KCNK5: variants seen among roughly 807,000 people sequenced by gnomAD.
The protein encoded by KCNK5 is potassium channel subfamily K member 5.
Under a neutral mutation model 32.9 loss-of-function variants are expected in KCNK5, and 18 were observed. That is an observed-to-expected ratio of 0.55 (90% CI 0.38 to 0.81). The LOEUF is 0.81. Among genes scored for constraint, KCNK5 ranks in the 30% least tolerant of loss-of-function variants. The pLI, the probability that KCNK5 is intolerant of heterozygous loss-of-function variation, is 0.00. For synonymous variants in KCNK5, 276 were observed against 275.3 expected (o/e 1.00, Z -0.03); for missense variants, 507 against 651.0 (o/e 0.78, Z 2.41).
At chr6:39,213,070 C>A (rs560020646) in intron 1 of KCNK5, among the ~76,000 whole-genome samples, 65 of 152,310 alleles carry the variant, frequency 4.3e-4, no homozygotes, top group African/African-American at 1.5e-3. Context: ...TCAAGTCCCA[C>A]AGTCAGTCCT....
intron 1 of KCNK5, among the ~76,000 whole-genome samples, chr6:39,225,429 T>A (rs886732453): frequency 6.6e-6 from 1 of 152,240 alleles, no homozygotes; most frequent in Non-Finnish European, 1.5e-5. Context: ...CAAAGTGGTC[T>A]GGTGCACGGT....
intron 1 of KCNK5, among the ~76,000 whole-genome samples, chr6:39,226,773 C>T (rs1771679259): frequency 6.6e-6 from 1 of 152,218 alleles, no homozygotes; most frequent in African/African-American, 2.4e-5. Flanking sequence ...AATGCTTCTA[C>T]TTGTCCATTT....
At chr6:39,227,050 C>G (rs1344046341) in intron 1 of KCNK5, among the ~76,000 whole-genome samples, 1 of 152,118 alleles carries the variant, frequency 6.6e-6, no homozygotes, top group Admixed American at 6.5e-5. Flanking sequence ...CCTTAAGAAG[C>G]CGTCTAGCCT....
chr6:39,218,445 T>A (rs1049010824), intron 1 of KCNK5, among the ~76,000 whole-genome samples: 2 of 152,088 alleles, frequency 1.3e-5, no homozygotes, highest in African/African-American at 2.4e-5. Flanking sequence ...GGGTAGGCCG[T>A]GTTGTTAGAG....
rs199508851 is a variant in KCNK5 at position 39,191,366 on chromosome 6, C to T, written c.1024G>A (p.Val342Met). The stretch of plus-strand genomic sequence containing the variant: ...TTCTTGGAGTAGACTACCAGGGGCA[C>T]CAGGGAAGGGGGCAGTGCTGGGAGC... ...GGLPALPPSL[V>M]PLVVYSKNRV... The change falls in exon 5 of 5, where the codon GTG (valine) becomes ATG (methionine). Residue 342 changes from valine (V) to methionine (M), a missense_variant. Val to Met is a conservative substitution (Grantham distance 21). Coordinates refer to ENST00000359534, the MANE Select transcript of KCNK5 (RefSeq NM_003740.4). This position sits in a 1 kb window ranked among gnomAD's most constrained non-coding sequence, Gnocchi z 5.8. 164 of 1,613,726 alleles carry T rather than the reference C, an allele frequency of 1.0e-4. No homozygotes were observed. The East Asian group carries it at 3.5e-3, about 35-fold the overall frequency.
chr6:39,216,825 G>C (rs370821825), intron 1 of KCNK5, among the ~76,000 whole-genome samples: 8 of 152,064 alleles, frequency 5.3e-5, no homozygotes, highest in African/African-American at 1.4e-4. Context: ...CTTTGTAAAA[G>C]TTGAAACTCA....
At position 39,190,807 on chromosome 6, in the gene KCNK5, G is replaced by A. The variant is rs1770908555; in HGVS notation, c.*83C>T. The A allele has an allele frequency of 1.5e-6, 2 of 1,342,268 alleles. No individual in the cohort carries two copies. The highest frequency in any genetic ancestry group is 9.7e-7 in the Non-Finnish European group (1 of 1,029,166). The allele number at this position is 1,342,268 out of a possible 1,614,324, so 83.1% of individuals were successfully genotyped here. A position where few individuals can be genotyped will look rare whatever the true frequency, so the allele number is the denominator to read the frequency against. Reference sequence around the variant, plus strand: ...TTCCGAGGCTGCCCCCCCACCAGGGGCCAGGCGTCCCGGTCATCTCGGGAC... The same window carrying A: ...TTCCGAGGCTGCCCCCCCACCAGGGACCAGGCGTCCCGGTCATCTCGGGAC... On this transcript the variant is annotated 3_prime_UTR_variant, in exon 5 of 5. Transcript: ENST00000359534.
At chr6:39,214,783 G>A (rs891577390) in intron 1 of KCNK5, among the ~76,000 whole-genome samples, 6 of 152,086 alleles carry the variant, frequency 3.9e-5, no homozygotes, top group African/African-American at 1.2e-4. Flanking sequence ...AGGGTCAGGG[G>A]AGCCACCTAA....
chr6:39,195,471 C>T (rs1771013695), intron 2 of KCNK5, among the ~76,000 whole-genome samples: 1 of 152,200 alleles, frequency 6.6e-6, no homozygotes, highest in African/African-American at 2.4e-5. Context: ...CAGCTGAGCC[C>T]AGTCAAGCTG....
At chr6:39,204,989 G>C (rs551058796) in intron 1 of KCNK5, among the ~76,000 whole-genome samples, 1 of 152,366 alleles carries the variant, frequency 6.6e-6, no homozygotes, top group East Asian at 1.9e-4. Flanking sequence ...GAGGAACAAA[G>C]AAAACAAGGC....
chr6:39,194,044 G>T lies in KCNK5; in HGVS notation c.634+125C>A. The T allele has an allele frequency of 9.9e-7, 1 of 1,010,612 alleles. No homozygotes were observed. Among genetic ancestry groups the T allele is most frequent in the Non-Finnish European group, 1.5e-6 (1 of 660,786 alleles). The allele number at this position is 1,010,612 out of a possible 1,614,324, so 62.6% of individuals were successfully genotyped here. ...TCTTGCAAATGGCAGAGTGGGTTGA[G>T]AATCCCACTGGGTAAGAGAAGTGCC... On this transcript the variant is annotated intron_variant, in intron 4 of 4. Coordinates refer to ENST00000359534, the MANE Select transcript of KCNK5 (RefSeq NM_003740.4). The surrounding 1 kb of genome is among the most constrained non-coding windows in gnomAD (Gnocchi z 4.7).
chr6:39,229,298 CGGGGAGCTGCGTGG>C lies in KCNK5; in HGVS notation c.-201_-188del, dbSNP rs1771728637. ...CTTGGCCAAGTTGGCCCACGGAGTGCGGGGAGCTGCGTGGGGCCCCACTCACGCGGCCCGGGGTG... is the reference window on the plus strand; with the variant it reads ...CTTGGCCAAGTTGGCCCACGGAGTGCGGCCCCACTCACGCGGCCCGGGGTG... On this transcript the variant is annotated 5_prime_UTR_variant, in exon 1 of 5. Coordinates refer to ENST00000359534, the MANE Select transcript of KCNK5 (RefSeq NM_003740.4). 1.4e-6 allele frequency: 1 copy of C among 691,556 alleles called. No homozygotes were observed. The highest frequency in any genetic ancestry group is 1.9e-5 in the South Asian group (1 of 52,162). 42.8% of individuals were successfully genotyped at this position (691,556 alleles called of 1,614,324 possible). A position where few individuals can be genotyped will look rare whatever the true frequency, so the allele number is the denominator to read the frequency against.
Position 39,194,448 on chromosome 6 carries a change from C to T in KCNK5, c.466-111G>A. ...GAGGAGAAGCTAGCTGGGTACCCAG[C>T]CTGACCCGGGAGGGCAAGGAGCTCT... On this transcript the variant is annotated intron_variant, in intron 3 of 4. Transcript: ENST00000359534. This position sits in a 1 kb window ranked among gnomAD's most constrained non-coding sequence, Gnocchi z 4.7. 6.9e-7 allele frequency: 1 copy of T among 1,446,336 alleles called. No homozygotes were observed. The highest frequency in any genetic ancestry group is 9.4e-7 in the Non-Finnish European group (1 of 1,065,202). 89.6% of individuals were successfully genotyped at this position (1,446,336 alleles called of 1,614,324 possible). A position where few individuals can be genotyped will look rare whatever the true frequency, so the allele number is the denominator to read the frequency against.
In KCNK5 at chr6:39,190,953, G is replaced by T; in HGVS notation, c.1437C>A (p.Leu479=). The change falls in exon 5 of 5, where the codon CTC becomes CTA. Residue 479 remains leucine (L), a synonymous_variant. Transcript: ENST00000359534. ...ESTFTSTESE[L]SVPYEQLMNE... ...TCATCAGCTGTTCGTAAGGCACAGAGAGCTCAGACTCAGTGCTGGTGAAGG... is the reference window on the plus strand; with the variant it reads ...TCATCAGCTGTTCGTAAGGCACAGATAGCTCAGACTCAGTGCTGGTGAAGG... 1 of 1,518,920 alleles carries T rather than the reference G, an allele frequency of 6.6e-7. No homozygotes were observed. 94.1% of individuals were successfully genotyped at this position (1,518,920 alleles called of 1,614,324 possible).
chr6:39,195,328 A>C (rs1771010216), intron 2 of KCNK5, among the ~76,000 whole-genome samples: 1 of 152,240 alleles, frequency 6.6e-6, no homozygotes, highest in African/African-American at 2.4e-5. Context: ...GCTCCCAGCC[A>C]ACAGCCAGCA....
intron 1 of KCNK5, among the ~76,000 whole-genome samples, chr6:39,216,663 C>T (rs1210640147): frequency 6.6e-6 from 1 of 152,154 alleles, no homozygotes; most frequent in Non-Finnish European, 1.5e-5. Flanking sequence ...AATTAGGTTC[C>T]CCACAGTGCC....
chr6:39,221,378 A>T (rs955098658), intron 1 of KCNK5, among the ~76,000 whole-genome samples: 3 of 152,180 alleles, frequency 2.0e-5, no homozygotes, highest in African/African-American at 7.2e-5. Context: ...CAAGTCAACA[A>T]GAGGGATTCA....
intron 1 of KCNK5, among the ~76,000 whole-genome samples, chr6:39,226,757 T>C (rs2815125): frequency 0.87 from 132,875 of 152,232 alleles, 58,166 homozygotes; most frequent in East Asian, 0.97. Flanking sequence ...AAAACTGATG[T>C]CAGCAAATGC....
intron 1 of KCNK5, among the ~76,000 whole-genome samples, chr6:39,225,142 T>C (rs1180922469): frequency 6.6e-6 from 1 of 152,148 alleles, no homozygotes; most frequent in Non-Finnish European, 1.5e-5. Flanking sequence ...CCCACTGTCT[T>C]GTTCCCAGTG....
Sources: allele counts gnomAD v4.1 joint callset (sites outside exome capture counted in the v4.1 genomes callset), GRCh38; gene constraint gnomAD v4.1.1; non-coding constraint Gnocchi (gnomAD v3.1); transcripts MANE v1.5; gene names NCBI Gene and HGNC (gene_info 2026-07-23, HGNC 2026-07-21).